ADAMTS17: variants seen among roughly 807,000 people sequenced by gnomAD.
The protein encoded by ADAMTS17 is ADAM metallopeptidase with thrombospondin type 1 motif 17, also known as A disintegrin and metalloproteinase with thrombospondin motifs 17.
Under a neutral mutation model 141.5 loss-of-function variants are expected in ADAMTS17, and 113 were observed. The ratio of observed to expected loss-of-function variants is 0.80; its 90% CI spans 0.69 to 0.93. The LOEUF is 0.93. Among genes scored for constraint, ADAMTS17 ranks in the 40% least tolerant of loss-of-function variants. ADAMTS17 has a pLI of 0.00. For missense variants in ADAMTS17, 1,659 were observed against 1,517.9 expected (o/e 1.09, Z -1.54); for synonymous variants, 768 against 630.6 (o/e 1.22, Z -3.27).
At chr15:100,213,549 G>A (rs1167142659) in intron 7 of ADAMTS17, among the ~76,000 whole-genome samples, 1 of 152,162 alleles carries the variant, frequency 6.6e-6, no homozygotes, top group Non-Finnish European at 1.5e-5. Flanking sequence ...GAAAAGAGCT[G>A]TGTTATTTTC....
At chr15:100,113,985 A>C (rs1292038314) in intron 13 of ADAMTS17, among the ~76,000 whole-genome samples, 2 of 152,204 alleles carry the variant, frequency 1.3e-5, no homozygotes, top group Non-Finnish European at 2.9e-5. Context: ...TTCCATGAGA[A>C]AAGCAGAAAT....
rs1398702673 is a variant in ADAMTS17, at chr15:99,972,536, C to G, written c.*1866G>C. ...TCATTTGGGGATGAAGAAAATTGAA[C>G]CTCAGCGCCCCCAAAATTTTGAGGG... On this transcript the variant is annotated 3_prime_UTR_variant, in exon 22 of 22. Coordinates refer to ENST00000268070, the MANE Select transcript of ADAMTS17 (RefSeq NM_139057.4). 2.0e-5 allele frequency: 3 copies of G among 152,168 alleles called. No individual in the cohort carries two copies. The highest frequency in any genetic ancestry group is 2.9e-5 in the Non-Finnish European group (2 of 68,032). The allele number at this position is 152,168 out of a possible 1,614,324, so 9.4% of individuals were successfully genotyped here.
intron 12 of ADAMTS17, chr15:100,129,336 C>A (rs895335060): frequency 1.3e-5 from 2 of 152,250 alleles, no homozygotes; most frequent in African/African-American, 4.8e-5. Flanking sequence ...TCTGTGAGTG[C>A]TAATAACAAG....
chr15:100,013,389 C>G (rs552358679), intron 18 of ADAMTS17, among the ~76,000 whole-genome samples: 3 of 152,112 alleles, frequency 2.0e-5, no homozygotes, highest in Non-Finnish European at 4.4e-5. Flanking sequence ...TTTCTCTTGT[C>G]TGATTGCTCT....
chr15:100,235,989 CT>C (rs1342831398), intron 7 of ADAMTS17, among the ~76,000 whole-genome samples: 1 of 152,152 alleles, frequency 6.6e-6, no homozygotes, highest in Non-Finnish European at 1.5e-5. Context: ...TATGGAAAAT[CT>C]GATGAGGTGG....
chr15:99,977,375 T>A (rs1188217676), intron 20 of ADAMTS17, among the ~76,000 whole-genome samples: 1 of 19,756 alleles, frequency 5.1e-5, no homozygotes, highest in African/African-American at 2.5e-4. Flanking sequence ...TATATATATA[T>A]ATATATATAT....
intron 18 of ADAMTS17, among the ~76,000 whole-genome samples, chr15:100,014,073 G>A (rs2061240598): frequency 6.6e-6 from 1 of 152,142 alleles, no homozygotes; most frequent in East Asian, 1.9e-4. Context: ...CTTGTTATTG[G>A]TCTGTTCAGG....
chr15:99,971,448 A>G lies in ADAMTS17; in HGVS notation c.*2954T>C, dbSNP rs963298505. On this transcript the variant is annotated 3_prime_UTR_variant, in exon 22 of 22. Coordinates refer to ENST00000268070, the MANE Select transcript of ADAMTS17 (RefSeq NM_139057.4). ...AGACAGCTTTAAACTGTTATGGAAA[A>G]ACATTTTATTACACATATTCAACTT... The G allele has an allele frequency of 6.6e-5, 10 of 152,234 alleles. No individual in the cohort carries two copies. The highest frequency in any genetic ancestry group is 2.4e-4 in the African/African-American group (10 of 41,462). 9.4% of individuals were successfully genotyped at this position (152,234 alleles called of 1,614,324 possible).
At chr15:100,217,893 G>A (rs1018254279) in intron 7 of ADAMTS17, among the ~76,000 whole-genome samples, 2 of 152,204 alleles carry the variant, frequency 1.3e-5, no homozygotes, top group Non-Finnish European at 2.9e-5. Flanking sequence ...ATGACTGAAT[G>A]ATTGACTGAT....
intron 3 of ADAMTS17, among the ~76,000 whole-genome samples, chr15:100,315,388 G>A (rs12913874): frequency 2.0e-4 from 30 of 151,702 alleles, no homozygotes; most frequent in African/African-American, 3.4e-4. Flanking sequence ...GTGATCGGCC[G>A]ATCTCAAGGA....
rs1471880124 is a variant in ADAMTS17, at chr15:100,011,352, G to C, written c.2592-13763C>G. Among the ~76,000 whole-genome samples, 11 of 22,924 alleles carry C rather than the reference G, an allele frequency of 4.8e-4. No homozygotes were observed. The East Asian group carries it at 0.014, about 29-fold the overall frequency. 15.0% of individuals were successfully genotyped at this position (22,924 alleles called of 152,430 possible). ...GGGAGGGAGGGAAGGAAAGGAGGAG[G>C]GACGGGAGGGAGAGAAGGAAAGGCA... On this transcript the variant is annotated intron_variant, in intron 18 of 21. Transcript: ENST00000268070.
intron 15 of ADAMTS17, among the ~76,000 whole-genome samples, chr15:100,068,038 C>T (rs944982978): frequency 2.6e-5 from 4 of 152,156 alleles, no homozygotes; most frequent in African/African-American, 9.7e-5. Flanking sequence ...CCTGGAAAAT[C>T]GGGTCACTCC....
chr15:100,113,109 G>A (rs1171869473), intron 13 of ADAMTS17, among the ~76,000 whole-genome samples: 2 of 152,110 alleles, frequency 1.3e-5, no homozygotes, highest in Non-Finnish European at 2.9e-5. Context: ...CCCCTCATCA[G>A]TCCCCGGCGG....
chr15:100,163,818 T>C (rs112719983), intron 8 of ADAMTS17, among the ~76,000 whole-genome samples: 1 of 152,226 alleles, frequency 6.6e-6, no homozygotes, highest in African/African-American at 2.4e-5. Context: ...ACCCTTACTT[T>C]AGACTCTCGC....
At chr15:100,155,416 A>T in intron 8 of ADAMTS17, 96 bp from the exon 9 acceptor site, 2 of 1,527,006 alleles carry the variant, frequency 1.3e-6, no homozygotes, top group Non-Finnish European at 1.8e-6. Context: ...ATCAAGTCTT[A>T]AAAACAAAAA....
At chr15:100,201,726 C>T (rs551256567) in intron 7 of ADAMTS17, among the ~76,000 whole-genome samples, 1 of 151,598 alleles carries the variant, frequency 6.6e-6, no homozygotes, top group Non-Finnish European at 1.5e-5. Context: ...TTTGTGGCCA[C>T]GTGGATGTCA....
Position 100,102,577 on chromosome 15 carries a change from T to C in ADAMTS17, c.2017-6101A>G, listed in dbSNP as rs550029363. Among the ~76,000 whole-genome samples the C allele has an allele frequency of 7.6e-4, 114 of 150,448 alleles. 4 individuals carry two copies. In the South Asian group the frequency reaches 0.024, roughly 31 times the overall value. On this transcript the variant is annotated intron_variant, in intron 14 of 21. Transcript: ENST00000268070. ...AAGGCCGACCGAAGGGGCTCTACAT[T>C]TGAAGGCCTACTGAAGGAGATCTAC... is the stretch of plus-strand genomic sequence containing the variant.
At chr15:100,256,072 G>A (rs1026816366) in intron 6 of ADAMTS17, among the ~76,000 whole-genome samples, 1 of 152,234 alleles carries the variant, frequency 6.6e-6, no homozygotes, top group Non-Finnish European at 1.5e-5. Flanking sequence ...GCCTGCAGGG[G>A]CTGCTTTATC....
At chr15:100,004,290 T>C (rs2060991197) in intron 18 of ADAMTS17, among the ~76,000 whole-genome samples, 1 of 152,190 alleles carries the variant, frequency 6.6e-6, no homozygotes, top group South Asian at 2.1e-4. Flanking sequence ...TCTTGACAAA[T>C]CTCAATGAGG....
Sources: gnomAD v4.1 joint callset for allele counts (sites outside exome capture counted in the v4.1 genomes callset) on GRCh38, gnomAD v4.1.1 for gene constraint, MANE v1.5 for transcripts, NCBI Gene and HGNC (gene_info 2026-07-23, HGNC 2026-07-21) for gene names.